TENT2: variants seen among roughly 807,000 people sequenced by gnomAD.
TENT2 encodes terminal nucleotidyltransferase 2.
Under a neutral mutation model 72.2 loss-of-function variants are expected in TENT2, and 44 were observed. The ratio of observed to expected loss-of-function variants is 0.61; its 90% CI spans 0.48 to 0.78. The LOEUF (loss-of-function observed/expected upper bound fraction) is 0.78, where lower values mean the gene tolerates loss of function less well. TENT2 is among the 30% of genes least tolerant of loss of function. The pLI, the probability that TENT2 is intolerant of heterozygous loss-of-function variation, is 0.00. For synonymous variants in TENT2, 212 were observed against 192.5 expected, an observed-to-expected ratio of 1.10 and a Z score of -0.84; for missense variants, 541 against 569.6, an observed-to-expected ratio of 0.95 and a Z score of 0.51.
At chr5:79,668,730 T>C in intron 11 of TENT2, 162 bp from the exon 12 acceptor site, 1 of 667,090 alleles carries the variant, frequency 1.5e-6, no homozygotes, top group Non-Finnish European at 2.5e-6. Context: ...CTGCAAATAC[T>C]GGTGAAGTCT....
intron 12 of TENT2, among the ~76,000 whole-genome samples, chr5:79,675,705 G>C (rs1322107759): frequency 6.6e-6 from 1 of 152,158 alleles, no homozygotes; most frequent in Non-Finnish European, 1.5e-5. Context: ...GTATGTGAAA[G>C]GGAGTGATTT....
intron 11 of TENT2, among the ~76,000 whole-genome samples, chr5:79,667,957 A>C (rs6895525): frequency 0.2 from 30,052 of 150,574 alleles, 4,469 homozygotes; most frequent in African/African-American, 0.41. Flanking sequence ...ACGAAAAAAA[A>C]AAATCCATTT....
At chr5:79,681,025 T>G (rs984150695) in intron 13 of TENT2, among the ~76,000 whole-genome samples, 2 of 152,000 alleles carry the variant, frequency 1.3e-5, no homozygotes, top group Admixed American at 1.3e-4. Flanking sequence ...GTATATATAT[T>G]GGAGACACAC....
intron 11 of TENT2, among the ~76,000 whole-genome samples, chr5:79,658,906 A>G (rs1020944675): frequency 6.6e-6 from 1 of 151,800 alleles, no homozygotes; most frequent in African/African-American, 2.4e-5. Context: ...CATATCCACT[A>G]CCTCTGGCCC....
intron 11 of TENT2, among the ~76,000 whole-genome samples, chr5:79,659,561 T>A (rs1461631486): frequency 0.014 from 759 of 53,132 alleles, 48 homozygotes; most frequent in African/African-American, 0.11. Context: ...AAAATGTATA[T>A]ATATATATAT....
chr5:79,668,720 C>T, intron 11 of TENT2, 172 bp from the exon 12 acceptor site: 1 of 619,876 alleles, frequency 1.6e-6, no homozygotes, highest in Non-Finnish European at 2.7e-6. Context: ...TTCTGGTCTA[C>T]TGCAAATACT....
At chr5:79,674,842 C>G (rs932290087) in intron 12 of TENT2, among the ~76,000 whole-genome samples, 1 of 151,798 alleles carries the variant, frequency 6.6e-6, no homozygotes, top group African/African-American at 2.4e-5. Context: ...AGGAGGAAAT[C>G]CAATGGAATG....
chr5:79,650,452 A>T (rs1792905807), intron 10 of TENT2, among the ~76,000 whole-genome samples: 2 of 152,248 alleles, frequency 1.3e-5, no homozygotes, highest in African/African-American at 2.4e-5. Context: ...TGAGCTGCTG[A>T]TAGAGCACTA....
intron 10 of TENT2, 23 bp downstream of exon 10, chr5:79,649,213 C>G (rs1326629573): frequency 6.2e-7 from 1 of 1,600,392 alleles, no homozygotes. Context: ...GGGTTTTACC[C>G]AATTTTTAAA....
intron 12 of TENT2, among the ~76,000 whole-genome samples, chr5:79,676,858 A>G (rs964060250): frequency 4.6e-5 from 7 of 152,166 alleles, no homozygotes; most frequent in Non-Finnish European, 1.0e-4. Context: ...TGCTAAGCAA[A>G]TTATGTTAGA....
intron 11 of TENT2, among the ~76,000 whole-genome samples, chr5:79,668,463 A>G (rs1396119644): frequency 3.3e-5 from 5 of 152,288 alleles, no homozygotes; most frequent in Middle Eastern, 6.8e-3. Flanking sequence ...AGAAGTTTGA[A>G]GTGACAGAAA....
chr5:79,615,042 T>A (rs768741638), intron 1 of TENT2: 1 of 152,226 alleles, frequency 6.6e-6, no homozygotes, highest in Non-Finnish European at 1.5e-5. Context: ...AAATTCATAC[T>A]GAGGAGAGGC....
intron 14 of TENT2, among the ~76,000 whole-genome samples, chr5:79,683,125 A>G (rs1823338806): frequency 6.6e-6 from 1 of 152,100 alleles, no homozygotes; most frequent in Non-Finnish European, 1.5e-5. Flanking sequence ...AGCCTAGACA[A>G]CAGAGTGAGA....
chr5:79,658,414 T>G lies in TENT2; in HGVS notation c.1071+1413T>G, dbSNP rs746656208. On this transcript the variant is annotated intron_variant, in intron 11 of 14. Transcript: ENST00000453514. ...CTGTGATGCCCAGTTTGGTCTCAAA[T>G]GCCTGGCCTCAAGCGAGCCTTCTAC... 5.7e-4 allele frequency among the ~76,000 whole-genome samples: 87 copies of G among 151,822 alleles called. 1 individual carries two copies. The highest frequency in any genetic ancestry group is 1.1e-3 in the Non-Finnish European group (73 of 67,930).
chr5:79,635,766 G>GGCTGGT (rs1405453171), intron 4 of TENT2, among the ~76,000 whole-genome samples: 1 of 152,166 alleles, frequency 6.6e-6, no homozygotes, highest in Non-Finnish European at 1.5e-5. Context: ...TTGTTGCTCA[G>GGCTGGT]GCTGGTCTTG....
chr5:79,649,840 A>G (rs1478435397), intron 10 of TENT2, among the ~76,000 whole-genome samples: 4 of 152,196 alleles, frequency 2.6e-5, no homozygotes, highest in Non-Finnish European at 5.9e-5. Context: ...GACTGGATCT[A>G]TTTGAAACCC....
At chr5:79,680,358 G>A (rs1433446142) in intron 13 of TENT2, among the ~76,000 whole-genome samples, 1 of 152,140 alleles carries the variant, frequency 6.6e-6, no homozygotes, top group Non-Finnish European at 1.5e-5. Context: ...GCTAATAAAT[G>A]GCACTGGGTG....
chr5:79,648,521 A>G, intron 8 of TENT2, 96 bp from the exon 9 acceptor site: 1 of 814,798 alleles, frequency 1.2e-6, no homozygotes, highest in East Asian at 2.8e-5. Context: ...ACTATTTTGC[A>G]TCATGGGATG....
intron 4 of TENT2, among the ~76,000 whole-genome samples, chr5:79,635,810 C>G (rs1779659007): frequency 6.6e-6 from 1 of 152,178 alleles, no homozygotes; most frequent in African/African-American, 2.4e-5. Flanking sequence ...CCCACCTTGG[C>G]CTCCCAAAGT....
Sources: allele counts gnomAD v4.1 joint callset (sites outside exome capture counted in the v4.1 genomes callset), GRCh38; gene constraint gnomAD v4.1.1; transcripts MANE v1.5; gene names NCBI Gene and HGNC (gene_info 2026-07-23, HGNC 2026-07-21).